NDUFA5: variants seen among roughly 807,000 people sequenced by gnomAD.
NDUFA5 encodes the protein NADH dehydrogenase [ubiquinone] 1 alpha subcomplex subunit 5.
In NDUFA5, 11 loss-of-function variants were observed where a neutral mutation model predicts 19.8. That is an observed-to-expected ratio of 0.56 (90% CI 0.35 to 0.92). The LOEUF (loss-of-function observed/expected upper bound fraction) is 0.92. Ranked by LOEUF, NDUFA5 falls within the 40% of genes least tolerant of loss-of-function variation. NDUFA5 has a pLI of 0.01. For missense variants in NDUFA5, 109 were observed against 134.2 expected (o/e 0.81, Z 0.93); for synonymous variants, 47 against 46.8 (o/e 1.00, Z -0.01).
intron 3 of NDUFA5, chr7:123,546,951 T>C: frequency 8.1e-6 from 3 of 372,280 alleles, no homozygotes; most frequent in South Asian, 4.1e-5. Flanking sequence ...ATTATCCATA[T>C]AGTCCCTAAC....
At chr7:123,569,187 T>C in the NDUFA5 span, among the ~76,000 whole-genome samples, 2 of 152,310 alleles carry the variant, frequency 1.3e-5, no homozygotes, top group South Asian at 2.1e-4. Flanking sequence ...AGTCATTTTG[T>C]CCGGTGGTCA....
chr7:123,551,297 C>G (rs1798329520), intron 2 of NDUFA5: 1 of 152,118 alleles, frequency 6.6e-6, no homozygotes, highest in Admixed American at 6.5e-5. Context: ...CAACCTCCAC[C>G]TCCTGGGGTC....
chr7:123,573,584 C>A, the NDUFA5 span, among the ~76,000 whole-genome samples: 4 of 152,096 alleles, frequency 2.6e-5, no homozygotes, highest in Non-Finnish European at 5.9e-5. Context: ...ATCCCAAACA[C>A]TCCAGTTTAT....
At chr7:123,592,636 T>C in the NDUFA5 span, among the ~76,000 whole-genome samples, 2 of 152,220 alleles carry the variant, frequency 1.3e-5, no homozygotes, top group Non-Finnish European at 2.9e-5. Context: ...TTGATTGCAC[T>C]GTGGTCTGAG....
chr7:123,544,221 G>C (rs1294505886), intron 4 of NDUFA5, among the ~76,000 whole-genome samples: 1 of 152,094 alleles, frequency 6.6e-6, no homozygotes, highest in Admixed American at 6.6e-5. Flanking sequence ...AATTTGAGCT[G>C]GGCAGGGTGG....
chr7:123,579,541 A>G, the NDUFA5 span, among the ~76,000 whole-genome samples: 4 of 151,988 alleles, frequency 2.6e-5, no homozygotes, highest in Non-Finnish European at 5.9e-5. Context: ...TTTTCTCTCT[A>G]TTATCTGCCC....
the NDUFA5 span, among the ~76,000 whole-genome samples, chr7:123,599,259 CA>C: frequency 0.073 from 11,072 of 151,756 alleles, 457 homozygotes; most frequent in African/African-American, 0.097. Context: ...AAAAGAATAC[CA>C]AAAAAACACA....
chr7:123,568,328 C>T, the NDUFA5 span, among the ~76,000 whole-genome samples: 5 of 151,490 alleles, frequency 3.3e-5, no homozygotes, highest in Non-Finnish European at 7.4e-5. Flanking sequence ...GCCTGACCAA[C>T]GTGGAGAAAC....
intron 4 of NDUFA5, among the ~76,000 whole-genome samples, chr7:123,543,125 G>A (rs1026472995): frequency 5.3e-5 from 8 of 152,164 alleles, no homozygotes; most frequent in African/African-American, 1.4e-4. Flanking sequence ...AAAAAACAAT[G>A]AGTTAAAGAG....
rs896115425 is a variant in NDUFA5 at position 123,538,437 on chromosome 7, T to C, written c.*3682A>G. On this transcript the variant is annotated 3_prime_UTR_variant, in exon 5 of 5. Transcript: ENST00000355749. Reference sequence around the variant, plus strand: ...ACTGTGATTTCCTGTGAATTTTGTCTAAAATAAAACGTCGACCTCCTCTAA... The same window carrying C: ...ACTGTGATTTCCTGTGAATTTTGTCCAAAATAAAACGTCGACCTCCTCTAA... 1 of 152,362 alleles carries C rather than the reference T, an allele frequency of 6.6e-6. No individual in the cohort carries two copies. Among genetic ancestry groups the C allele is most frequent in the African/African-American group, 2.4e-5 (1 of 41,576 alleles). 9.4% of individuals were successfully genotyped at this position (152,362 alleles called of 1,614,324 possible).
intron 3 of NDUFA5, chr7:123,546,594 A>C: frequency 4.6e-6 from 5 of 1,084,730 alleles, no homozygotes; most frequent in Non-Finnish European, 4.8e-6. Context: ...TATGTAAATA[A>C]GGCTTTGTCT....
Position 123,540,023 on chromosome 7 carries a change from T to C in NDUFA5, c.*2096A>G, listed in dbSNP as rs1195624066. The C allele has an allele frequency of 6.6e-6, 1 of 152,200 alleles. No individual in the cohort carries two copies. Among genetic ancestry groups the C allele is most frequent in the African/African-American group, 2.4e-5 (1 of 41,460 alleles). 9.4% of individuals were successfully genotyped at this position (152,200 alleles called of 1,614,324 possible). ...CTTCAGCTTCACATCTTACTAGCTA[T>C]GTGACCTTGGATTTGTTATTAAATC... is the stretch of plus-strand genomic sequence containing the variant. On this transcript the variant is annotated 3_prime_UTR_variant, in exon 5 of 5. Transcript: ENST00000355749.
chr7:123,545,535 G>C (rs886341251), intron 4 of NDUFA5, 76 bp downstream of exon 4: 1 of 1,175,808 alleles, frequency 8.5e-7, no homozygotes, highest in Admixed American at 1.9e-5. Flanking sequence ...AGGAAATTTA[G>C]TTTTCCTTTC....
rs574223541 is a variant in NDUFA5, at chr7:123,555,213, T to C, written c.66+2191A>G. 3.7e-4 allele frequency: 57 copies of C among 152,330 alleles called. 1 individual carries two copies. Among genetic ancestry groups the C allele is most frequent in the African/African-American group, 1.3e-3 (55 of 41,574 alleles). The allele number at this position is 152,330 out of a possible 1,614,324, so 9.4% of individuals were successfully genotyped here. A position where few individuals can be genotyped will look rare whatever the true frequency, so the allele number is the denominator to read the frequency against. On this transcript the variant is annotated intron_variant, in intron 2 of 4. Transcript: ENST00000355749. ...TCCAAGTTAAAGCATTCGGGCTTTA[T>C]TCTGTGGACAATTAAAAGATTTAGG...
chr7:123,572,171 C>T, the NDUFA5 span, among the ~76,000 whole-genome samples: 26 of 101,358 alleles, frequency 2.6e-4, no homozygotes, highest in Non-Finnish European at 3.5e-4. Context: ...GAGACAGAGT[C>T]TCACTCTGTC....
At chr7:123,549,498 G>A (rs558390936) in intron 3 of NDUFA5, among the ~76,000 whole-genome samples, 41 of 152,240 alleles carry the variant, frequency 2.7e-4, no homozygotes, top group Non-Finnish European at 5.1e-4. Context: ...GTGAGGCACC[G>A]GGTGCAGGTA....
the NDUFA5 span, among the ~76,000 whole-genome samples, chr7:123,582,422 G>C: frequency 6.6e-6 from 1 of 151,958 alleles, no homozygotes; most frequent in East Asian, 1.9e-4. Context: ...CACCGTCCTG[G>C]AGGAAGAAAT....
At chr7:123,591,688 G>C in the NDUFA5 span, among the ~76,000 whole-genome samples, 1 of 152,148 alleles carries the variant, frequency 6.6e-6, no homozygotes, top group South Asian at 2.1e-4. Flanking sequence ...ACGTGTTGCT[G>C]GATTCGGTTT....
chr7:123,580,183 G>A, the NDUFA5 span, among the ~76,000 whole-genome samples: 1 of 152,014 alleles, frequency 6.6e-6, no homozygotes, highest in South Asian at 2.1e-4. Flanking sequence ...CATTTGAAAG[G>A]ACAAGATGAA....
Sources: allele counts gnomAD v4.1 joint callset (sites outside exome capture counted in the v4.1 genomes callset), GRCh38; gene constraint gnomAD v4.1.1; transcripts MANE v1.5; gene names NCBI Gene and HGNC (gene_info 2026-07-23, HGNC 2026-07-21).